TBCCD1: variants seen among roughly 807,000 people sequenced by gnomAD.
TBCCD1 encodes TBCC domain-containing protein 1.
Under a neutral mutation model 53.4 loss-of-function variants are expected in TBCCD1, and 26 were observed. The observed-to-expected ratio is 0.49, with a 90% CI of 0.36 to 0.68. TBCCD1 has a LOEUF of 0.68. Ranked by LOEUF, TBCCD1 falls within the 30% of genes least tolerant of loss-of-function variation. The pLI, the probability that TBCCD1 is intolerant of heterozygous loss-of-function variation, is 0.00. For synonymous variants in TBCCD1, 245 were observed against 241.7 expected, an observed-to-expected ratio of 1.01 and a Z score of -0.13; for missense variants, 558 against 669.5, an observed-to-expected ratio of 0.83 and a Z score of 1.84.
At chr3:186,555,160 T>G (rs1714500799) in intron 4 of TBCCD1, 76 bp from the exon 5 acceptor site, 1 of 1,380,874 alleles carries the variant, frequency 7.2e-7, no homozygotes, top group African/African-American at 1.5e-5. Context: ...AGGTTACACG[T>G]CTACATGTAT....
intron 3 of TBCCD1, among the ~76,000 whole-genome samples, 164 bp downstream of exon 3, chr3:186,558,253 T>G (rs923340438): frequency 6.6e-6 from 1 of 152,160 alleles, no homozygotes; most frequent in East Asian, 1.9e-4. Flanking sequence ...ATTAAGACTG[T>G]ACACACTGAT....
chr3:186,565,038 A>G (rs1714787110), intron 1 of TBCCD1, among the ~76,000 whole-genome samples: 1 of 152,104 alleles, frequency 6.6e-6, no homozygotes, highest in African/African-American at 2.4e-5. Flanking sequence ...ATACAAAAAC[A>G]GGGAACCATC....
rs539100328 is a variant in TBCCD1 at position 186,546,193 on chromosome 3, T to C, written c.*784A>G. ...GTATAAAACTATTTCTATGTCTATATACCAACAAATCATACTTCCTTTCCA... is the reference window on the plus strand; with the variant it reads ...GTATAAAACTATTTCTATGTCTATACACCAACAAATCATACTTCCTTTCCA... On this transcript the variant is annotated 3_prime_UTR_variant, in exon 8 of 8. Coordinates refer to ENST00000338733, the MANE Select transcript of TBCCD1 (RefSeq NM_018138.5). 1.3e-5 allele frequency: 2 copies of C among 152,342 alleles called. No homozygotes were observed. Among genetic ancestry groups the C allele is most frequent in the Non-Finnish European group, 2.9e-5 (2 of 68,022 alleles). The allele number at this position is 152,342 out of a possible 1,614,324, so 9.4% of individuals were successfully genotyped here.
chr3:186,548,945 A>G (rs1479686861), intron 7 of TBCCD1, among the ~76,000 whole-genome samples: 1 of 152,244 alleles, frequency 6.6e-6, no homozygotes, highest in African/African-American at 2.4e-5. Context: ...ATTTCAAAAC[A>G]TCATGCTGGA....
chr3:186,570,039 C>G (rs939930003), upstream of TBCCD1: 2 of 636,840 alleles, frequency 3.1e-6, no homozygotes, highest in Admixed American at 2.3e-5. Context: ...CCAATAAGTG[C>G]TTTGCCTCAG....
chr3:186,558,471 G>C lies in TBCCD1; in HGVS notation c.438C>G (p.Pro146=). Reference sequence around the variant, plus strand: ...GGTCAGGAGACTGAGATTTGTTTCTGGGACTGGGCCACTCTTCGCCAATCA... The same window carrying C: ...GGTCAGGAGACTGAGATTTGTTTCTCGGACTGGGCCACTCTTCGCCAATCA... ...TSLIGEEWPS[P]RNKSQSPDLT... is the part of the protein sequence containing the mutation. Residue 146 remains proline, a synonymous_variant, in exon 3 of 8, where the codon CCC becomes CCG. Coordinates refer to ENST00000338733, the MANE Select transcript of TBCCD1 (RefSeq NM_018138.5). The C allele has an allele frequency of 1.2e-6, 2 of 1,614,158 alleles. No homozygotes were observed. The highest frequency in any genetic ancestry group is 1.7e-6 in the Non-Finnish European group (2 of 1,180,024).
chr3:186,557,638 G>A (rs945350826), intron 3 of TBCCD1, among the ~76,000 whole-genome samples: 3 of 152,182 alleles, frequency 2.0e-5, no homozygotes, highest in African/African-American at 7.2e-5. Context: ...AGGGAAAATT[G>A]ACCCAGACAG....
At position 186,564,249 on chromosome 3, in the gene TBCCD1, C is replaced by G; in HGVS notation, c.81G>C (p.Lys27Asn). ...TCTTCCTGAGATAGTGAAGACTAAACTTGGATGGAGGGGGGACCTGCAAGG... is the reference window on the plus strand; with the variant it reads ...TCTTCCTGAGATAGTGAAGACTAAAGTTGGATGGAGGGGGGACCTGCAAGG... ...VGALQVPPPS[K>N]FSLHYLRKIS... The change falls in exon 2 of 8, where the codon AAG (lysine) becomes AAC (asparagine). Residue 27 changes from lysine to asparagine, a missense_variant. Lys to Asn is a moderately conservative substitution (Grantham distance 94). Coordinates refer to ENST00000338733, the MANE Select transcript of TBCCD1 (RefSeq NM_018138.5). 1 of 1,614,172 alleles carries G rather than the reference C, an allele frequency of 6.2e-7. No individual in the cohort carries two copies. The highest frequency in any genetic ancestry group is 8.5e-7 in the Non-Finnish European group (1 of 1,180,024).
Position 186,555,064 on chromosome 3 carries a change from C to T in TBCCD1, c.880G>A (p.Ala294Thr). Residue 294 changes from alanine to threonine, a missense_variant, in exon 5 of 8, where the codon GCT (alanine) becomes ACT (threonine). Coordinates refer to ENST00000338733, the MANE Select transcript of TBCCD1 (RefSeq NM_018138.5). Reference sequence around the variant, plus strand: ...ACATGAGTATTACAAGCAATCTTAGCTCTTTTGGTGGTCCCTTCAACTATT... The same window carrying T: ...ACATGAGTATTACAAGCAATCTTAGTTCTTTTGGTGGTCCCTTCAACTATT... Reference protein sequence around the residue: ...AHQVEGTTKRAKIACNTHVAP... With the variant: ...AHQVEGTTKRTKIACNTHVAP... The T allele has an allele frequency of 6.2e-7, 1 of 1,604,786 alleles. No individual in the cohort carries two copies. Among genetic ancestry groups the T allele is most frequent in the Non-Finnish European group, 8.5e-7 (1 of 1,176,426 alleles).
At chr3:186,569,945 G>A (rs1434270029), upstream of TBCCD1, among the ~76,000 whole-genome samples, 1 of 152,152 alleles carries the variant, frequency 6.6e-6, no homozygotes, top group Non-Finnish European at 1.5e-5. Flanking sequence ...TGCTTGAACC[G>A]TAATAATGGT....
At chr3:186,552,840 G>GT (rs1157939937) in intron 6 of TBCCD1, among the ~76,000 whole-genome samples, 2 of 152,166 alleles carry the variant, frequency 1.3e-5, no homozygotes, top group Admixed American at 6.5e-5. Context: ...CTATAGATGT[G>GT]TTCCTGGTGG....
upstream of TBCCD1, chr3:186,569,991 T>G: frequency 1.7e-6 from 1 of 598,762 alleles, no homozygotes; most frequent in Non-Finnish European, 3.1e-6. Context: ...CGCCCGATGA[T>G]TTACCGATTT....
chr3:186,558,440 C>T lies in TBCCD1; in HGVS notation c.469G>A (p.Glu157Lys), dbSNP rs1211316098. 6.2e-7 allele frequency: 1 copy of T among 1,613,900 alleles called. No homozygotes were observed. Among genetic ancestry groups the T allele is most frequent in the African/African-American group, 1.3e-5 (1 of 74,912 alleles). The change falls in exon 3 of 8, where the codon GAA becomes AAA. Residue 157 changes from glutamate to lysine, a missense_variant. Glu to Lys is a moderately conservative substitution (Grantham distance 56). Coordinates refer to ENST00000338733, the MANE Select transcript of TBCCD1 (RefSeq NM_018138.5). The stretch of plus-strand genomic sequence containing the variant: ...ACCTTATTATGACAATTAGATTTTT[C>T]AGTCAGGTCAGGAGACTGAGATTTG... Reference protein sequence around the residue: ...RNKSQSPDLTEKSNCHNKNWN... With the variant: ...RNKSQSPDLTKKSNCHNKNWN...
intron 1 of TBCCD1, among the ~76,000 whole-genome samples, 153 bp downstream of exon 1, chr3:186,567,114 C>A (rs932815969): frequency 9.2e-5 from 14 of 152,210 alleles, no homozygotes; most frequent in African/African-American, 3.1e-4. Context: ...GCCGCCCCAG[C>A]GTCGCGACCG....
Position 186,556,408 on chromosome 3 carries a change from C to A in TBCCD1, c.859+1G>T. The A allele has an allele frequency of 6.3e-7, 1 of 1,578,170 alleles. No individual in the cohort carries two copies. Among genetic ancestry groups the A allele is most frequent in the Non-Finnish European group, 8.5e-7 (1 of 1,171,952 alleles). On this transcript the variant is annotated splice_donor_variant, in intron 4 of 7. Coordinates refer to ENST00000338733, the MANE Select transcript of TBCCD1 (RefSeq NM_018138.5). LOFTEE classifies it high-confidence loss of function. ...ATGTAGATTAAAATATTAAAAAATA[C>A]CTTGATGAGCCCAAGCCAATTTCTT...
At chr3:186,547,606 C>G (rs1029769987) in intron 7 of TBCCD1, among the ~76,000 whole-genome samples, 1 of 127,136 alleles carries the variant, frequency 7.9e-6, no homozygotes, top group Non-Finnish European at 1.7e-5. Context: ...TTGCTAAATT[C>G]TTTTTTTTTT....
chr3:186,570,432 C>T (rs1274522074), upstream of TBCCD1: 3 of 476,758 alleles, frequency 6.3e-6, no homozygotes, highest in African/African-American at 2.0e-5. Flanking sequence ...GGAGGGATTT[C>T]GTGTACCTCA....
At chr3:186,560,308 G>A (rs865955180) in intron 2 of TBCCD1, among the ~76,000 whole-genome samples, 5 of 152,132 alleles carry the variant, frequency 3.3e-5, no homozygotes, top group South Asian at 4.1e-4. Flanking sequence ...TTTGATTAAT[G>A]AATAAATGTA....
At chr3:186,569,802 T>C (rs768841256), upstream of TBCCD1, among the ~76,000 whole-genome samples, 3 of 152,074 alleles carry the variant, frequency 2.0e-5, no homozygotes, top group Non-Finnish European at 4.4e-5. Context: ...GATTGAAGTA[T>C]AGTTCAGAGG....
Sources: allele counts gnomAD v4.1 joint callset (sites outside exome capture counted in the v4.1 genomes callset), GRCh38; gene constraint gnomAD v4.1.1; transcripts MANE v1.5; gene names NCBI Gene and HGNC (gene_info 2026-07-23, HGNC 2026-07-21).